The following LIFR variants were observed in gnomAD, a reference collection of about 807,000 sequenced individuals.
LIFR encodes the protein leukemia inhibitory factor receptor.
LIFR carries 84 observed loss-of-function variants against 122.2 expected under a neutral mutation model. The ratio of observed to expected loss-of-function variants is 0.69; its 90% confidence interval spans 0.58 to 0.82. The LOEUF is 0.82. Ranked by LOEUF, LIFR falls within the 40% of genes least tolerant of loss-of-function variation. The pLI, the probability that LIFR is intolerant of heterozygous loss-of-function variation, is 0.00. For synonymous variants in LIFR, 422 were observed against 434.7 expected (o/e 0.97, Z 0.36); for missense variants, 1,294 against 1,311.6 (o/e 0.99, Z 0.21).
In LIFR at chr5:38,511,927, A is replaced by G; in HGVS notation, c.599T>C (p.Leu200Pro). The G allele has an allele frequency of 1.2e-6, 2 of 1,614,128 alleles. No individual in the cohort carries two copies. Among genetic ancestry groups the G allele is most frequent in the Non-Finnish European group, 1.7e-6 (2 of 1,180,002 alleles). The change falls in exon 6 of 20, where the codon CTT becomes CCT. Residue 200 changes from leucine to proline, a missense_variant. By Grantham distance (98) the Leu-to-Pro change is moderately conservative. Transcript: ENST00000453190. ...HNTTLNGKDT[L>P]HHWSWASDMP... ...ATCTGAGGCCCAACTCCAGTGATGA[A>G]GTGTATCTTTGCCATTCAGAGTTGT...
chr5:38,587,499 C>T (rs756802622), intron 1 of LIFR, among the ~76,000 whole-genome samples: 2 of 150,616 alleles, frequency 1.3e-5, no homozygotes, highest in Non-Finnish European at 2.9e-5. Flanking sequence ...AAAAAGGCCA[C>T]TATTGCTTGA....
chr5:38,598,268 AG>A (rs1374016179), upstream of LIFR, among the ~76,000 whole-genome samples: 1 of 93,108 alleles, frequency 1.1e-5, no homozygotes, highest in Non-Finnish European at 2.0e-5. Context: ...TTCTTTTTAG[AG>A]GGAGTCTCGC....
rs561511319 is a variant in LIFR at position 38,482,342 on chromosome 5, T to G, written c.2671-124A>C. The G allele has an allele frequency of 5.4e-4, 481 of 884,452 alleles. 7 individuals carry two copies. In the South Asian group the frequency reaches 8.7e-3, roughly 16 times the overall value. The allele number at this position is 884,452 out of a possible 1,614,324, so 54.8% of individuals were successfully genotyped here. On this transcript the variant is annotated intron_variant, in intron 19 of 19. Transcript: ENST00000453190. The stretch of plus-strand genomic sequence containing the variant: ...AAACAGGTGTCTCTACTACTCTGTA[T>G]TTCACACAACAGCACAGCCACTTTT...
In LIFR at chr5:38,527,441, A is replaced by C. The variant is rs559167902; in HGVS notation, c.258-147T>G. The C allele has an allele frequency of 7.5e-5, 46 of 610,414 alleles. No homozygotes were observed. In the East Asian group the frequency reaches 1.2e-3, roughly 16 times the overall value. The allele number at this position is 610,414 out of a possible 1,614,324, so 37.8% of individuals were successfully genotyped here. On this transcript the variant is annotated intron_variant, in intron 3 of 19. Transcript: ENST00000453190. ...TAGGTTGTACCGCATTTTAAGACTG[A>C]AAAAACAGATTGATAGTAACTTTAC...
intron 1 of LIFR, among the ~76,000 whole-genome samples, chr5:38,585,693 A>C (rs534241717): frequency 6.6e-6 from 1 of 152,294 alleles, no homozygotes; most frequent in African/African-American, 2.4e-5. Flanking sequence ...GTCACATATG[A>C]ACCATTGTAA....
At chr5:38,564,573 A>T (rs564227604) in intron 1 of LIFR, among the ~76,000 whole-genome samples, 1 of 152,072 alleles carries the variant, frequency 6.6e-6, no homozygotes, top group African/African-American at 2.4e-5. Flanking sequence ...TCCTTTCTTC[A>T]ACCTGAAAGT....
intron 1 of LIFR, among the ~76,000 whole-genome samples, chr5:38,573,691 T>C (rs1002804520): frequency 6.6e-6 from 1 of 152,208 alleles, no homozygotes; most frequent in Non-Finnish European, 1.5e-5. Flanking sequence ...ATCGCATAAA[T>C]ATAAATGAAT....
chr5:38,489,250 A>G lies in LIFR; in HGVS notation c.2168-5T>C. On this transcript the variant is annotated splice_region_variant and splice_polypyrimidine_tract_variant and intron_variant, in intron 15 of 19. Transcript: ENST00000453190. ...AATTTGGTGCAACAATGGGAGCTGT[A>G]AAAGGAAAAAGTCAATTGCTAAAGG... The G allele has an allele frequency of 6.2e-7, 1 of 1,610,028 alleles. No individual in the cohort carries two copies. The highest frequency in any genetic ancestry group is 8.5e-7 in the Non-Finnish European group (1 of 1,177,688).
chr5:38,507,519 G>T (rs949015525), intron 7 of LIFR, among the ~76,000 whole-genome samples: 1 of 141,232 alleles, frequency 7.1e-6, no homozygotes, highest in Non-Finnish European at 1.5e-5. Context: ...AACCCAGATT[G>T]TGCCACTGGA....
rs941758438 is a variant in LIFR, at chr5:38,532,483, C to T, written c.-19-1817G>A. On this transcript the variant is annotated intron_variant, in intron 1 of 19. Transcript: ENST00000453190. The stretch of plus-strand genomic sequence containing the variant: ...CAGGGAACAGGCACGCAGACAGTAG[C>T]GAGCTCGCACAAAGCCTATGCCAGC... 2.6e-5 allele frequency among the ~76,000 whole-genome samples: 4 copies of T among 152,246 alleles called. No individual in the cohort carries two copies. In the South Asian group the frequency reaches 6.2e-4, roughly 24 times the overall value.
upstream of LIFR, among the ~76,000 whole-genome samples, chr5:38,596,904 G>T (rs984586469): frequency 7.3e-5 from 9 of 123,936 alleles, no homozygotes; most frequent in African/African-American, 2.6e-4. Context: ...ATAAGAAATG[G>T]CATGCAAGAA....
intron 1 of LIFR, among the ~76,000 whole-genome samples, chr5:38,547,346 C>G (rs1490895586): frequency 6.6e-6 from 1 of 152,176 alleles, no homozygotes; most frequent in Non-Finnish European, 1.5e-5. Flanking sequence ...AACTTACACC[C>G]TCTCAAAATA....
At chr5:38,530,402 C>A in intron 2 of LIFR, 104 bp downstream of exon 2, 2 of 957,844 alleles carry the variant, frequency 2.1e-6, no homozygotes, top group Non-Finnish European at 3.3e-6. Flanking sequence ...TGAATTTTAA[C>A]CAACAAAATC....
rs140093025 is a variant in LIFR at position 38,539,948 on chromosome 5, T to C, written c.-19-9282A>G. Among the ~76,000 whole-genome samples, 326 of 152,320 alleles carry C rather than the reference T, an allele frequency of 2.1e-3. 1 individual carries two copies. Among genetic ancestry groups the C allele is most frequent in the African/African-American group, 7.6e-3 (314 of 41,576 alleles). The stretch of plus-strand genomic sequence containing the variant: ...TATAAGGTCGGTATTATTCATATTA[T>C]TTCCCTCTTTTTATAATAAGAAAAC... On this transcript the variant is annotated intron_variant, in intron 1 of 19. Coordinates refer to ENST00000453190, the MANE Select transcript of LIFR (RefSeq NM_001127671.2).
chr5:38,492,063 A>G (rs1210563147), intron 14 of LIFR, among the ~76,000 whole-genome samples: 1 of 152,194 alleles, frequency 6.6e-6, no homozygotes, highest in Non-Finnish European at 1.5e-5. Context: ...AGAGGAATAA[A>G]AGGTGTGCCT....
At chr5:38,527,790 T>C (rs1746772798) in intron 3 of LIFR, among the ~76,000 whole-genome samples, 1 of 152,226 alleles carries the variant, frequency 6.6e-6, no homozygotes, top group Admixed American at 6.5e-5. Context: ...TCCCCTGGTA[T>C]CTCTTAGGCA....
At chr5:38,582,590 C>T (rs939022660) in intron 1 of LIFR, among the ~76,000 whole-genome samples, 2 of 152,174 alleles carry the variant, frequency 1.3e-5, no homozygotes, top group Non-Finnish European at 2.9e-5. Flanking sequence ...CTTTGCTTCA[C>T]ATCAAGTGAT....
At chr5:38,488,584 T>C (rs528047820) in intron 16 of LIFR, among the ~76,000 whole-genome samples, 3 of 152,364 alleles carry the variant, frequency 2.0e-5, no homozygotes, top group Middle Eastern at 3.4e-3. Flanking sequence ...AAGGATTGTC[T>C]GTACTTTTTA....
In LIFR at chr5:38,543,581, CT is replaced by C. The variant is rs1471546518; in HGVS notation, c.-20+12752del. Among the ~76,000 whole-genome samples, 17 of 152,306 alleles carry C rather than the reference CT, an allele frequency of 1.1e-4. No homozygotes were observed. The East Asian group carries it at 1.7e-3, about 16-fold the overall frequency. ...CACTTCACATGCAACTTATGATCTA[CT>C]TCTAGGAAATTCTCCTCAGGAGATA... is the stretch of plus-strand genomic sequence containing the variant. On this transcript the variant is annotated intron_variant, in intron 1 of 19. Transcript: ENST00000453190.
Sources: gnomAD v4.1 joint callset for allele counts (sites outside exome capture counted in the v4.1 genomes callset) on GRCh38, gnomAD v4.1.1 for gene constraint, MANE v1.5 for transcripts, NCBI Gene and HGNC (gene_info 2026-07-23, HGNC 2026-07-21) for gene names.